SORCS2: variants seen among roughly 807,000 people sequenced by gnomAD.
The protein encoded by SORCS2 is sortilin related VPS10 domain containing receptor 2.
In SORCS2, 100 loss-of-function variants were observed where a neutral mutation model predicts 141.6. The observed-to-expected ratio is 0.71, with a 90% CI of 0.60 to 0.83. The LOEUF (loss-of-function observed/expected upper bound fraction) is 0.83. SORCS2 is among the 40% of genes least tolerant of loss of function. SORCS2 has a pLI of 0.00. For missense variants in SORCS2, 1,646 were observed against 1,560.2 expected, an observed-to-expected ratio of 1.05 and a Z score of -0.93; for synonymous variants, 789 against 676.9, an observed-to-expected ratio of 1.17 and a Z score of -2.57.
chr4:7,698,686 G>A (rs1332026588), intron 12 of SORCS2, among the ~76,000 whole-genome samples: 1 of 152,236 alleles, frequency 6.6e-6, no homozygotes, highest in African/African-American at 2.4e-5. Context: ...AAATGGGAGA[G>A]CATCTGGGAA....
chr4:7,299,449 C>T (rs904086921), intron 1 of SORCS2, among the ~76,000 whole-genome samples: 2 of 152,210 alleles, frequency 1.3e-5, no homozygotes, highest in African/African-American at 2.4e-5. Flanking sequence ...ATACATCTCT[C>T]GGGGACCATC....
intron 3 of SORCS2, among the ~76,000 whole-genome samples, chr4:7,605,292 C>T (rs1560420965): frequency 6.6e-6 from 1 of 152,204 alleles, no homozygotes; most frequent in Non-Finnish European, 1.5e-5. Context: ...ACACAGAACT[C>T]CTGCTTGCAT....
intron 3 of SORCS2, among the ~76,000 whole-genome samples, chr4:7,552,642 A>T (rs1386084371): frequency 6.6e-6 from 1 of 152,226 alleles, no homozygotes; most frequent in African/African-American, 2.4e-5. Flanking sequence ...GATCAGGAAC[A>T]GTGCTTCAAC....
chr4:7,499,663 C>T (rs1030706793), intron 2 of SORCS2, among the ~76,000 whole-genome samples: 1 of 150,498 alleles, frequency 6.6e-6, no homozygotes, highest in Non-Finnish European at 1.5e-5. Flanking sequence ...GCCATCCCCC[C>T]TCATTTTGCC....
At chr4:7,639,113 C>A (rs2108865269) in intron 4 of SORCS2, among the ~76,000 whole-genome samples, 1 of 152,272 alleles carries the variant, frequency 6.6e-6, no homozygotes, top group Middle Eastern at 3.4e-3. Context: ...GGCCTGGGGG[C>A]TGGGGAGGGC....
chr4:7,390,619 G>A lies in SORCS2; in HGVS notation c.481-5669G>A, dbSNP rs552299137. Reference sequence around the variant, plus strand: ...GGCCATTGCCGTGCTGCTGAATCAGGCCCCACTGCACAAGAGCAGAGGGAA... The same window carrying A: ...GGCCATTGCCGTGCTGCTGAATCAGACCCCACTGCACAAGAGCAGAGGGAA... On this transcript the variant is annotated intron_variant, in intron 1 of 26. Coordinates refer to ENST00000507866, the MANE Select transcript of SORCS2 (RefSeq NM_020777.3). Among the ~76,000 whole-genome samples the A allele has an allele frequency of 7.2e-5, 11 of 152,274 alleles. No individual in the cohort carries two copies. In the South Asian group the frequency reaches 2.3e-3, roughly 32 times the overall value.
At chr4:7,614,164 T>C (rs1164529271) in intron 3 of SORCS2, among the ~76,000 whole-genome samples, 2 of 150,178 alleles carry the variant, frequency 1.3e-5, no homozygotes, top group African/African-American at 4.9e-5. Context: ...CATCCACCCA[T>C]CCACCATCCA....
intron 1 of SORCS2, among the ~76,000 whole-genome samples, chr4:7,349,137 T>C (rs956245519): frequency 6.6e-6 from 1 of 152,272 alleles, no homozygotes; most frequent in East Asian, 1.9e-4. Context: ...TACTTCATCA[T>C]TGCGCAAGGT....
chr4:7,582,004 G>T (rs181674502), intron 3 of SORCS2, among the ~76,000 whole-genome samples: 2 of 152,112 alleles, frequency 1.3e-5, no homozygotes, highest in African/African-American at 4.8e-5. Flanking sequence ...ACATTATCAG[G>T]AATGCTTTGT....
At chr4:7,466,713 A>G (rs532993674) in intron 2 of SORCS2, among the ~76,000 whole-genome samples, 1 of 152,276 alleles carries the variant, frequency 6.6e-6, no homozygotes, top group Non-Finnish European at 1.5e-5. Context: ...TGGGTGGCCC[A>G]CTACATACAG....
At chr4:7,662,995 CGAGTGAGT>C (rs776479902) in intron 6 of SORCS2, among the ~76,000 whole-genome samples, 1 of 145,938 alleles carries the variant, frequency 6.9e-6, no homozygotes, top group African/African-American at 2.6e-5. Flanking sequence ...AGTGAGTGAG[CGAGTGAGT>C]GGATGAGTGA....
chr4:7,566,007 ATAATGATGGTGATGATGGTG>A (rs1714971004), intron 3 of SORCS2, among the ~76,000 whole-genome samples: 1 of 2,724 alleles, frequency 3.7e-4, no homozygotes, highest in Admixed American at 6.1e-3. Flanking sequence ...GATGATGGTG[ATAATGATGGTGATGATGGTG>A]ATAATGATAG....
chr4:7,211,232 AGGG>A (rs2108884022), intron 1 of SORCS2, among the ~76,000 whole-genome samples: 1 of 102,866 alleles, frequency 9.7e-6, no homozygotes, highest in South Asian at 3.3e-4. Context: ...GGAGGGAGGG[AGGG>A]AGGGAGGGAG....
chr4:7,538,134 T>C (rs1258694963), intron 3 of SORCS2, among the ~76,000 whole-genome samples: 1 of 152,210 alleles, frequency 6.6e-6, no homozygotes, highest in Admixed American at 6.5e-5. Context: ...GGATAATGGA[T>C]AGGTTTTGCA....
intron 9 of SORCS2, among the ~76,000 whole-genome samples, chr4:7,679,994 C>T (rs1332237067): frequency 2.0e-5 from 3 of 152,318 alleles, no homozygotes; most frequent in East Asian, 3.9e-4. Flanking sequence ...CTTCTACCTG[C>T]CCTGAGGACA....
intron 1 of SORCS2, among the ~76,000 whole-genome samples, chr4:7,253,398 A>G (rs1274670588): frequency 6.6e-6 from 1 of 152,120 alleles, no homozygotes; most frequent in South Asian, 2.1e-4. Context: ...TATTCTGAGC[A>G]GTGACACGGG....
chr4:7,541,999 C>G (rs1348923247), intron 3 of SORCS2, among the ~76,000 whole-genome samples: 1 of 152,226 alleles, frequency 6.6e-6, no homozygotes. Context: ...CAGCTCCCCA[C>G]TTTTTGGCCC....
At chr4:7,440,740 C>T (rs916449901) in intron 2 of SORCS2, among the ~76,000 whole-genome samples, 4 of 152,226 alleles carry the variant, frequency 2.6e-5, no homozygotes, top group Non-Finnish European at 2.9e-5. Context: ...CCCAAGTCTC[C>T]TGGGGGACCC....
chr4:7,629,764 C>T (rs1272644059), intron 3 of SORCS2, among the ~76,000 whole-genome samples: 1 of 151,888 alleles, frequency 6.6e-6, no homozygotes, highest in Admixed American at 6.6e-5. Flanking sequence ...TCAAACCCCA[C>T]CCTCCCTCTA....
Sources: allele counts gnomAD v4.1 joint callset (sites outside exome capture counted in the v4.1 genomes callset), GRCh38; gene constraint gnomAD v4.1.1; transcripts MANE v1.5; gene names NCBI Gene and HGNC (gene_info 2026-07-23, HGNC 2026-07-21).